Variants in ZNF12 observed in about 807,000 individuals in gnomAD.
ZNF12 encodes the protein zinc finger protein 12, also known as gonadotropin inducible transcription repressor 3.
In ZNF12, 34 loss-of-function variants were observed where a neutral mutation model predicts 66.6. The ratio of observed to expected loss-of-function variants is 0.51; its 90% CI spans 0.39 to 0.68. The LOEUF is 0.68. Among genes scored for constraint, ZNF12 ranks in the 30% least tolerant of loss-of-function variants. The pLI is 0.00. For missense variants in ZNF12, 697 were observed against 826.9 expected, an observed-to-expected ratio of 0.84 and a Z score of 1.93; for synonymous variants, 320 against 278.9, an observed-to-expected ratio of 1.15 and a Z score of -1.47.
chr7:6,703,835 A>G (rs1174802679), intron 2 of ZNF12, among the ~76,000 whole-genome samples: 1 of 152,266 alleles, frequency 6.6e-6, no homozygotes, highest in Non-Finnish European at 1.5e-5. Context: ...CTGACAGAGC[A>G]AACTGCAGAG....
At position 6,704,568 on chromosome 7, in the gene ZNF12, T is replaced by TAAA. The variant is rs752684046; in HGVS notation, c.15+588_15+590dup. ...ACATGGTGAAACCCTGTCTCTACTT[T>TAAA]AAAAAAAAAAAAAAAAAAAAAAAAG... On this transcript the variant is annotated intron_variant, in intron 2 of 4. Coordinates refer to ENST00000405858, the MANE Select transcript of ZNF12 (RefSeq NM_016265.4). Among the ~76,000 whole-genome samples, 81 of 84,842 alleles carry TAAA rather than the reference T, an allele frequency of 9.5e-4. 1 individual carries two copies. The highest frequency in any genetic ancestry group is 2.7e-3 in the South Asian group (6 of 2,250). The allele number at this position is 84,842 out of a possible 152,430, so 55.7% of individuals were successfully genotyped here.
At chr7:6,704,596 CG>C (rs1780318592) in intron 2 of ZNF12, among the ~76,000 whole-genome samples, 1 of 135,928 alleles carries the variant, frequency 7.4e-6, no homozygotes, top group Admixed American at 7.4e-5. Flanking sequence ...AAAAAAAGGC[CG>C]GGTGTGGTGG....
chr7:6,692,348 A>C lies in ZNF12; in HGVS notation c.594T>G (p.Pro198=). 1 of 1,610,030 alleles carries C rather than the reference A, an allele frequency of 6.2e-7. No homozygotes were observed. Among genetic ancestry groups the C allele is most frequent in the African/African-American group, 1.3e-5 (1 of 74,788 alleles). The change falls in exon 5 of 5, where the codon CCT becomes CCG. Residue 198 remains proline, a synonymous_variant. Coordinates refer to ENST00000405858, the MANE Select transcript of ZNF12 (RefSeq NM_016265.4). The surrounding 1 kb of genome is among the most constrained non-coding windows in gnomAD (Gnocchi z 5.1). ...QAYEFNQNGE[P]YTLNEESLYQ... is the part of the protein sequence containing the mutation. ...AAAGACTTTCTTCATTTAGAGTATA[A>C]GGTTCCCCATTTTGATTAAATTCAT...
At position 6,689,158 on chromosome 7, in the gene ZNF12, A is replaced by C. The variant is rs1390170959; in HGVS notation, c.*1690T>G. The C allele has an allele frequency of 6.6e-6, 1 of 152,244 alleles. No individual in the cohort carries two copies. The highest frequency in any genetic ancestry group is 1.5e-5 in the Non-Finnish European group (1 of 68,060). 9.4% of individuals were successfully genotyped at this position (152,244 alleles called of 1,614,324 possible). A position where few individuals can be genotyped will look rare whatever the true frequency, so the allele number is the denominator to read the frequency against. On this transcript the variant is annotated 3_prime_UTR_variant, in exon 5 of 5. Transcript: ENST00000405858. ...TCCTAAATCAACTGGCTTAAAAATA[A>C]GTTTAGTCTCTCACAAAAGAAACAG...
In ZNF12 at chr7:6,692,717, A is replaced by C. The variant is rs1354549268; in HGVS notation, c.239-14T>G. Reference sequence around the variant, plus strand: ...GCCAGACTTCATCTAAAGAGAGACAAAATTAATAAACTTTTGTACATCTTC... The same window carrying C: ...GCCAGACTTCATCTAAAGAGAGACACAATTAATAAACTTTTGTACATCTTC... On this transcript the variant is annotated splice_polypyrimidine_tract_variant and intron_variant, in intron 4 of 4. Transcript: ENST00000405858. The surrounding 1 kb of genome is among the most constrained non-coding windows in gnomAD (Gnocchi z 5.1). 4 of 1,543,038 alleles carry C rather than the reference A, an allele frequency of 2.6e-6. No homozygotes were observed. In the African/African-American group the frequency reaches 4.2e-5, roughly 16 times the overall value.
Position 6,697,381 on chromosome 7 carries a change from G to A in ZNF12, c.196C>T (p.Pro66Ser), listed in dbSNP as rs769796307. Residue 66 changes from proline to serine, a missense_variant, in exon 4 of 5, where the codon CCA (proline) becomes TCA (serine). Pro to Ser is a moderately conservative substitution (Grantham distance 74). Around this residue, in one of 3 missense-constraint regions of ZNF12, gnomAD observed 55 missense variants for 83.9 expected, o/e 0.66. Transcript: ENST00000405858. The surrounding 1 kb of genome is among the most constrained non-coding windows in gnomAD (Gnocchi z 6.1). ...AGGAATTCTCCTTCTACTATCCATGGCTCTTCTCCTTGCTCCAACTTGCTG... is the reference window on the plus strand; with the variant it reads ...AGGAATTCTCCTTCTACTATCCATGACTCTTCTCCTTGCTCCAACTTGCTG... ...VISKLEQGEE[P>S]WIVEGEFLLQ... The A allele has an allele frequency of 1.2e-6, 2 of 1,612,286 alleles. No homozygotes were observed. The highest frequency in any genetic ancestry group is 1.7e-6 in the Non-Finnish European group (2 of 1,179,290).
At chr7:6,702,303 A>ACACACACACACAC (rs1780257958) in intron 2 of ZNF12, among the ~76,000 whole-genome samples, 2 of 122,812 alleles carry the variant, frequency 1.6e-5, no homozygotes, top group Admixed American at 8.1e-5. Flanking sequence ...AAACTCCACA[A>ACACACACACACAC]ACACACACAC....
chr7:6,690,748 A>C lies in ZNF12; in HGVS notation c.*100T>G. ...AACACACAAGGGGATGTCCACACTAACCTGTGTGAACTCTCTGATGTACAA... is the reference window on the plus strand; with the variant it reads ...AACACACAAGGGGATGTCCACACTACCCTGTGTGAACTCTCTGATGTACAA... On this transcript the variant is annotated 3_prime_UTR_variant, in exon 5 of 5. Transcript: ENST00000405858. 1 of 1,218,476 alleles carries C rather than the reference A, an allele frequency of 8.2e-7. No homozygotes were observed. The highest frequency in any genetic ancestry group is 1.1e-6 in the Non-Finnish European group (1 of 893,288). The allele number at this position is 1,218,476 out of a possible 1,614,324, so 75.5% of individuals were successfully genotyped here. A position where few individuals can be genotyped will look rare whatever the true frequency, so the allele number is the denominator to read the frequency against.
chr7:6,702,133 C>G (rs1345743485), intron 2 of ZNF12, among the ~76,000 whole-genome samples: 3 of 152,092 alleles, frequency 2.0e-5, no homozygotes, highest in African/African-American at 7.2e-5. Flanking sequence ...GGACTCTTAA[C>G]AGCATTTGAC....
chr7:6,702,303 A>AACACACACACACACACACACACACACAC (rs35642461), intron 2 of ZNF12, among the ~76,000 whole-genome samples: 1 of 122,812 alleles, frequency 8.1e-6, no homozygotes, highest in African/African-American at 3.0e-5. Context: ...AAACTCCACA[A>AACACACACACACACACACACACACACAC]ACACACACAC....
At chr7:6,694,476 G>A (rs1780124168) in intron 4 of ZNF12, among the ~76,000 whole-genome samples, 1 of 152,136 alleles carries the variant, frequency 6.6e-6, no homozygotes, top group Non-Finnish European at 1.5e-5. Context: ...ATATTCCGTT[G>A]CAGGAAAAGC....
chr7:6,698,143 C>A lies in ZNF12; in HGVS notation c.16-332G>T, dbSNP rs1375579651. On this transcript the variant is annotated intron_variant, in intron 2 of 4. Transcript: ENST00000405858. The surrounding 1 kb of genome is among the most constrained non-coding windows in gnomAD (Gnocchi z 4.4). Reference sequence around the variant, plus strand: ...GACACTCACAGAACCCCAGGATGCACTCTGCTTCTTTGCACATTCTTCAAT... The same window carrying A: ...GACACTCACAGAACCCCAGGATGCAATCTGCTTCTTTGCACATTCTTCAAT... 2.0e-6 allele frequency: 1 copy of A among 502,278 alleles called. No homozygotes were observed. 31.1% of individuals were successfully genotyped at this position (502,278 alleles called of 1,614,324 possible).
chr7:6,703,251 G>A (rs971670048), intron 2 of ZNF12, among the ~76,000 whole-genome samples: 3 of 152,202 alleles, frequency 2.0e-5, no homozygotes, highest in Non-Finnish European at 4.4e-5. Context: ...TTCCCATGGG[G>A]GAAGCACGAT....
rs35642461 is a variant in ZNF12, at chr7:6,702,303, A to AACACACACACACACACAC, written c.15+2838_15+2855dup. 5.0e-3 allele frequency among the ~76,000 whole-genome samples: 616 copies of AACACACACACACACACAC among 122,906 alleles called. 20 individuals are homozygous for AACACACACACACACACAC. The highest frequency in any genetic ancestry group is 0.017 in the African/African-American group (572 of 33,154). 80.6% of individuals were successfully genotyped at this position (122,906 alleles called of 152,430 possible). A position where few individuals can be genotyped will look rare whatever the true frequency, so the allele number is the denominator to read the frequency against. On this transcript the variant is annotated intron_variant, in intron 2 of 4. Transcript: ENST00000405858. ...CCAGATTCGTCTCCCAAACTCCACA[A>AACACACACACACACACAC]ACACACACACACACACACACACCAG...
At chr7:6,703,510 A>G (rs576342659) in intron 2 of ZNF12, among the ~76,000 whole-genome samples, 61 of 152,220 alleles carry the variant, frequency 4.0e-4, no homozygotes, top group Non-Finnish European at 6.5e-4. Flanking sequence ...CTTTCTCGAT[A>G]GGGCTACAGG....
chr7:6,690,960 T>C lies in ZNF12; in HGVS notation c.1982A>G (p.Tyr661Cys), dbSNP rs1780057851. The change falls in exon 5 of 5, where the codon TAT (tyrosine) becomes TGT (cysteine). Residue 661 changes from tyrosine to cysteine, a missense_variant. Coordinates refer to ENST00000405858, the MANE Select transcript of ZNF12 (RefSeq NM_016265.4). The stretch of plus-strand genomic sequence containing the variant: ...TTTTTTTCCACATTCAGTACACTCA[T>C]AGGGTTTCTCTCCTGAATGAGTTCT... ...HYRTHSGEKP[Y>C]ECTECGKKFY... The C allele has an allele frequency of 2.5e-6, 4 of 1,614,172 alleles. No individual in the cohort carries two copies. Among genetic ancestry groups the C allele is most frequent in the Non-Finnish European group, 3.4e-6 (4 of 1,179,994 alleles).
Position 6,693,034 on chromosome 7 carries a change from G to A in ZNF12, c.239-331C>T, listed in dbSNP as rs10232812. On this transcript the variant is annotated intron_variant, in intron 4 of 4. Coordinates refer to ENST00000405858, the MANE Select transcript of ZNF12 (RefSeq NM_016265.4). ...TAACACAGAACAATGACTGGTAGGCGAAGAATGCAGGATGAATGGCTGACA... is the reference window on the plus strand; with the variant it reads ...TAACACAGAACAATGACTGGTAGGCAAAGAATGCAGGATGAATGGCTGACA... 4.0e-3 allele frequency among the ~76,000 whole-genome samples: 608 copies of A among 152,268 alleles called. 5 individuals carry two copies. The highest frequency in any genetic ancestry group is 0.014 in the African/African-American group (574 of 41,560).
At chr7:6,704,740 CAAAAAA>C (rs949897713) in intron 2 of ZNF12, among the ~76,000 whole-genome samples, 864 of 32,162 alleles carry the variant, frequency 0.027, 2 homozygotes, top group African/African-American at 0.083. Flanking sequence ...TACTTGGTCT[CAAAAAA>C]AAAAAAAAAA....
chr7:6,691,347 T>C lies in ZNF12; in HGVS notation c.1595A>G (p.Gln532Arg). The stretch of plus-strand genomic sequence containing the variant: ...CCGATGTCTACAAAGGGCTGAGTTC[T>C]GGTAGAAGGTTTTCCCACATTCACT... ...ECSECGKTFYQNSALCRHRRI... is the reference protein window; with the variant it reads ...ECSECGKTFYRNSALCRHRRI... The change falls in exon 5 of 5, where the codon CAG becomes CGG. Residue 532 changes from glutamine (Q) to arginine (R), a missense_variant. Physicochemically the swap from Gln to Arg is conservative, Grantham distance 43. Coordinates refer to ENST00000405858, the MANE Select transcript of ZNF12 (RefSeq NM_016265.4). 6.2e-7 allele frequency: 1 copy of C among 1,614,014 alleles called. No homozygotes were observed. Among genetic ancestry groups the C allele is most frequent in the Non-Finnish European group, 8.5e-7 (1 of 1,179,898 alleles).
Sources: gnomAD v4.1 joint callset for allele counts (sites outside exome capture counted in the v4.1 genomes callset) on GRCh38, gnomAD v4.1.1 for gene constraint, gnomAD v4.1.1 regional missense constraint, Gnocchi (gnomAD v3.1) non-coding constraint, MANE v1.5 for transcripts, NCBI Gene and HGNC (gene_info 2026-07-23, HGNC 2026-07-21) for gene names.